Variants in PAFAH1B2 observed in about 807,000 individuals in gnomAD.
PAFAH1B2 encodes the protein platelet activating factor acetylhydrolase 1b catalytic subunit 2, also known as platelet-activating factor acetylhydrolase IB subunit alpha2.
Under a neutral mutation model 28.0 loss-of-function variants are expected in PAFAH1B2, and 8 were observed. That is an observed-to-expected ratio of 0.29 (90% CI 0.17 to 0.52). PAFAH1B2 has a LOEUF of 0.52. Ranked by LOEUF, PAFAH1B2 falls within the 20% of genes least tolerant of loss-of-function variation. The pLI, the probability that PAFAH1B2 is intolerant of heterozygous loss-of-function variation, is 0.97. For synonymous variants in PAFAH1B2, 104 were observed against 103.2 expected (o/e 1.01, Z -0.05); for missense variants, 190 against 282.6 (o/e 0.67, Z 2.35).
Position 117,167,729 on chromosome 11 carries a change from A to G in PAFAH1B2, c.*30A>G. 1 of 1,489,266 alleles carries G rather than the reference A, an allele frequency of 6.7e-7. No individual in the cohort carries two copies. Among genetic ancestry groups the G allele is most frequent in the Non-Finnish European group, 9.0e-7 (1 of 1,115,014 alleles). The allele number at this position is 1,489,266 out of a possible 1,614,324, so 92.3% of individuals were successfully genotyped here. A position where few individuals can be genotyped will look rare whatever the true frequency, so the allele number is the denominator to read the frequency against. On this transcript the variant is annotated 3_prime_UTR_variant, in exon 6 of 6. Coordinates refer to ENST00000527958, the MANE Select transcript of PAFAH1B2 (RefSeq NM_002572.4). ...CTCTTATCAGTGTTAATAGCATCTC[A>G]GCTTCCTCAGATCAGTTCTATCACT...
downstream of PAFAH1B2, among the ~76,000 whole-genome samples, chr11:117,172,963 A>G (rs886780271): frequency 6.6e-6 from 1 of 152,212 alleles, no homozygotes; most frequent in Admixed American, 6.5e-5. Flanking sequence ...TTAGCCTCCC[A>G]AAGTTCTGGG....
At chr11:117,158,398 C>T (rs1244461135) in intron 2 of PAFAH1B2, among the ~76,000 whole-genome samples, 2 of 151,754 alleles carry the variant, frequency 1.3e-5, no homozygotes, top group African/African-American at 2.4e-5. Context: ...GCACTCTGGG[C>T]GGAGATTACC....
downstream of PAFAH1B2, among the ~76,000 whole-genome samples, chr11:117,172,805 G>GT (rs1449154146): frequency 2.0e-5 from 3 of 152,176 alleles, no homozygotes; most frequent in African/African-American, 7.2e-5. Context: ...CTGGATTCAT[G>GT]TAGTTCATGT....
intron 1 of PAFAH1B2, 39 bp from the exon 2 acceptor site, chr11:117,152,402 T>C: frequency 1.6e-6 from 2 of 1,233,616 alleles, no homozygotes; most frequent in African/African-American, 1.5e-5. Flanking sequence ...CAAACCTTCC[T>C]GTTAACAAAT....
downstream of PAFAH1B2, chr11:117,171,496 A>G: frequency 8.8e-6 from 5 of 567,466 alleles, no homozygotes; most frequent in East Asian, 8.6e-5. Context: ...AGATTGCGCC[A>G]TTGCACTCCA....
At position 117,147,083 on chromosome 11, in the gene PAFAH1B2, A is replaced by G. The variant is rs529684599; in HGVS notation, c.-8+2665A>G. On this transcript the variant is annotated intron_variant, in intron 1 of 5. Coordinates refer to ENST00000527958, the MANE Select transcript of PAFAH1B2 (RefSeq NM_002572.4). ...CAGGAGTTCGAGACCACCCTGACCA[A>G]TATGATGAAACCCCGTCTTCACTAA... Among the ~76,000 whole-genome samples the G allele has an allele frequency of 2.2e-4, 34 of 152,184 alleles. 1 individual carries two copies. Among genetic ancestry groups the G allele is most frequent in the Non-Finnish European group, 1.2e-4 (8 of 67,998 alleles).
intron 2 of PAFAH1B2, among the ~76,000 whole-genome samples, chr11:117,158,621 T>G (rs1399520497): frequency 6.6e-6 from 1 of 151,360 alleles, no homozygotes; most frequent in Non-Finnish European, 1.5e-5. Context: ...TTTTCCTAGT[T>G]ATGATAATAG....
intron 5 of PAFAH1B2, chr11:117,164,270 G>A (rs1388101723): frequency 6.4e-6 from 1 of 156,736 alleles, no homozygotes; most frequent in Admixed American, 6.4e-5. Context: ...AGCCGGGTGT[G>A]GTGGCAGGCG....
chr11:117,173,788 A>G (rs1026143593), downstream of PAFAH1B2, among the ~76,000 whole-genome samples: 1 of 152,222 alleles, frequency 6.6e-6, no homozygotes, highest in African/African-American at 2.4e-5. Flanking sequence ...GCAGGAAGAG[A>G]GATAACCAGA....
intron 1 of PAFAH1B2, among the ~76,000 whole-genome samples, chr11:117,149,904 G>A (rs1336408442): frequency 6.6e-6 from 1 of 151,924 alleles, no homozygotes; most frequent in Non-Finnish European, 1.5e-5. Context: ...ACCAGTCTGG[G>A]CAACATGGAG....
intron 1 of PAFAH1B2, among the ~76,000 whole-genome samples, chr11:117,151,329 A>C (rs1217586254): frequency 6.7e-6 from 1 of 149,316 alleles, no homozygotes; most frequent in African/African-American, 2.5e-5. Context: ...TCCCGGGTTC[A>C]AGTGATTCTC....
rs1478192649 is a variant in PAFAH1B2 at position 117,170,492 on chromosome 11, G to C, written c.*2793G>C. 2.3e-5 allele frequency: 24 copies of C among 1,057,986 alleles called. No individual in the cohort carries two copies. Among genetic ancestry groups the C allele is most frequent in the Non-Finnish European group, 2.4e-5 (21 of 875,624 alleles). The allele number at this position is 1,057,986 out of a possible 1,614,324, so 65.5% of individuals were successfully genotyped here. A position where few individuals can be genotyped will look rare whatever the true frequency, so the allele number is the denominator to read the frequency against. On this transcript the variant is annotated 3_prime_UTR_variant, in exon 6 of 6. Coordinates refer to ENST00000527958, the MANE Select transcript of PAFAH1B2 (RefSeq NM_002572.4). Reference sequence around the variant, plus strand: ...TGTGTTCTCGGTCGCCGTAGACAGCGCTCTGGCTACCACCGTGAGGCTACT... The same window carrying C: ...TGTGTTCTCGGTCGCCGTAGACAGCCCTCTGGCTACCACCGTGAGGCTACT...
chr11:117,153,796 A>T (rs1956205950), intron 2 of PAFAH1B2, among the ~76,000 whole-genome samples: 1 of 152,188 alleles, frequency 6.6e-6, no homozygotes, highest in South Asian at 2.1e-4. Flanking sequence ...TTTCTTAAAA[A>T]CAAGGACTTT....
intron 5 of PAFAH1B2, among the ~76,000 whole-genome samples, chr11:117,164,997 C>T (rs1471427935): frequency 1.4e-5 from 2 of 147,918 alleles, no homozygotes; most frequent in African/African-American, 4.9e-5. Flanking sequence ...GCTCTGTCGC[C>T]TAGGCTGGAG....
chr11:117,160,049 T>G (rs1237999043), intron 3 of PAFAH1B2, 26 bp downstream of exon 3: 4 of 1,509,060 alleles, frequency 2.7e-6, no homozygotes, highest in Non-Finnish European at 3.7e-6. Context: ...ATGAGCGTGG[T>G]TCTTGGCTAC....
At chr11:117,154,482 A>T (rs1351429506) in intron 2 of PAFAH1B2, among the ~76,000 whole-genome samples, 7 of 152,018 alleles carry the variant, frequency 4.6e-5, no homozygotes, top group African/African-American at 9.7e-5. Flanking sequence ...CAGTGGCACC[A>T]TTACAGCTTG....
At chr11:117,176,058 C>A in exon 6 of PAFAH1B2, 1 of 811,896 alleles carries the variant, frequency 1.2e-6, no homozygotes, top group South Asian at 1.5e-5. Context: ...TTCTCTGATT[C>A]ATATTCGCCT....
chr11:117,169,661 T>C lies in PAFAH1B2; in HGVS notation c.*1962T>C. 1 of 1,052,830 alleles carries C rather than the reference T, an allele frequency of 9.5e-7. No individual in the cohort carries two copies. The highest frequency in any genetic ancestry group is 4.6e-5 in the South Asian group (1 of 21,858). The allele number at this position is 1,052,830 out of a possible 1,614,324, so 65.2% of individuals were successfully genotyped here. A position where few individuals can be genotyped will look rare whatever the true frequency, so the allele number is the denominator to read the frequency against. On this transcript the variant is annotated 3_prime_UTR_variant, in exon 6 of 6. Coordinates refer to ENST00000527958, the MANE Select transcript of PAFAH1B2 (RefSeq NM_002572.4). ...CTTCATTAACAACAGAAAATCCACA[T>C]GGTGTTTACTAAACTTGTTTACGAC...
intron 2 of PAFAH1B2, among the ~76,000 whole-genome samples, chr11:117,158,535 A>G (rs1039602191): frequency 2.6e-5 from 4 of 152,298 alleles, no homozygotes; most frequent in African/African-American, 9.6e-5. Context: ...TCATTGGATC[A>G]TAGTTGAGAA....
Sources: allele counts gnomAD v4.1 joint callset (sites outside exome capture counted in the v4.1 genomes callset), GRCh38; gene constraint gnomAD v4.1.1; transcripts MANE v1.5; gene names NCBI Gene and HGNC (gene_info 2026-07-23, HGNC 2026-07-21).